Variants in SCUBE1 observed in about 807,000 individuals in gnomAD.
SCUBE1 encodes the protein signal peptide, CUB and EGF-like domain-containing protein 1.
In SCUBE1, 59 loss-of-function variants were observed where a neutral mutation model predicts 124.4. The observed-to-expected ratio is 0.47, with a 90% CI of 0.38 to 0.59. SCUBE1 has a LOEUF of 0.59. Ranked by LOEUF, SCUBE1 falls within the 20% of genes least tolerant of loss-of-function variation. SCUBE1 has a pLI of 0.00. For missense variants in SCUBE1, 1,150 were observed against 1,371.2 expected (o/e 0.84, Z 2.55); for synonymous variants, 545 against 550.9 (o/e 0.99, Z 0.15).
At chr22:43,280,312 C>G (rs572643400) in intron 4 of SCUBE1, among the ~76,000 whole-genome samples, 2 of 152,080 alleles carry the variant, frequency 1.3e-5, no homozygotes, top group East Asian at 3.9e-4. Context: ...TAACAGGCCT[C>G]GCTGAAGTGT....
Position 43,211,677 on chromosome 22 carries a change from C to T in SCUBE1, c.2222-594G>A, listed in dbSNP as rs577468846. Among the ~76,000 whole-genome samples, 4 of 152,074 alleles carry T rather than the reference C, an allele frequency of 2.6e-5. No individual in the cohort carries two copies. The highest frequency in any genetic ancestry group is 4.2e-4 in the South Asian group (2 of 4,802). On this transcript the variant is annotated intron_variant, in intron 17 of 21. Coordinates refer to ENST00000360835, the MANE Select transcript of SCUBE1 (RefSeq NM_173050.5). This position sits in a 1 kb window ranked among gnomAD's most constrained non-coding sequence, Gnocchi z 4.5. ...GATTACAGGTGCACATCACCACACC[C>T]GGCTAATTATTTTTGTATTTTTTTT...
chr22:43,257,441 G>GA (rs1195807680), intron 6 of SCUBE1, among the ~76,000 whole-genome samples: 2 of 152,174 alleles, frequency 1.3e-5, no homozygotes, highest in East Asian at 1.9e-4. Flanking sequence ...TTAAGTGGGA[G>GA]AAAAAAACCT....
chr22:43,280,490 TCCCCGTC>T (rs1924744542), intron 4 of SCUBE1, among the ~76,000 whole-genome samples: 7 of 34,094 alleles, frequency 2.1e-4, no homozygotes, highest in Middle Eastern at 0.016. Context: ...CCCTCACCCA[TCCCCGTC>T]CCTTCCCCTC....
chr22:43,206,880 G>A (rs1374318931), intron 21 of SCUBE1, among the ~76,000 whole-genome samples: 4 of 152,180 alleles, frequency 2.6e-5, no homozygotes, highest in Admixed American at 1.3e-4. Flanking sequence ...AGCCGAGGGC[G>A]GCAGCACGTG....
chr22:43,247,075 G>A (rs953422226), intron 6 of SCUBE1, among the ~76,000 whole-genome samples: 4 of 152,216 alleles, frequency 2.6e-5, no homozygotes, highest in East Asian at 1.9e-4. Flanking sequence ...GGCTGGCTCC[G>A]GGCTTCTTGT....
At chr22:43,278,743 C>G (rs1339167800) in intron 4 of SCUBE1, among the ~76,000 whole-genome samples, 1 of 152,206 alleles carries the variant, frequency 6.6e-6, no homozygotes, top group Non-Finnish European at 1.5e-5. Context: ...AGTCCTGCCC[C>G]CCCAGTGCAG....
intron 7 of SCUBE1, chr22:43,232,089 C>A (rs1206620134): frequency 3.5e-6 from 2 of 573,492 alleles, no homozygotes; most frequent in Non-Finnish European, 6.3e-6. Flanking sequence ...TGGGAAGGGC[C>A]AGCTCCCCAA....
intron 3 of SCUBE1, among the ~76,000 whole-genome samples, chr22:43,298,616 T>A (rs1925650860): frequency 6.6e-6 from 1 of 152,158 alleles, no homozygotes; most frequent in Admixed American, 6.5e-5. Context: ...CCCCCTGCTG[T>A]GCATCTCTAG....
At chr22:43,316,274 T>C (rs7284773) in intron 3 of SCUBE1, among the ~76,000 whole-genome samples, 5,913 of 152,234 alleles carry the variant, frequency 0.039, 358 homozygotes, top group African/African-American at 0.13. Context: ...ACACAGCTGA[T>C]AGAGAAGGGC....
chr22:43,292,813 G>A (rs865793826), intron 3 of SCUBE1, among the ~76,000 whole-genome samples: 1 of 152,192 alleles, frequency 6.6e-6, no homozygotes. Flanking sequence ...GGCCGACAGC[G>A]AGGCCATTAT....
intron 3 of SCUBE1, among the ~76,000 whole-genome samples, chr22:43,309,994 C>T (rs752917727): frequency 2.6e-5 from 4 of 152,264 alleles, no homozygotes; most frequent in African/African-American, 7.2e-5. Flanking sequence ...CAGCCAGAAG[C>T]GCTTTTTAAA....
chr22:43,208,636 G>A (rs1448122840), intron 19 of SCUBE1, among the ~76,000 whole-genome samples: 1 of 152,186 alleles, frequency 6.6e-6, no homozygotes, highest in Non-Finnish European at 1.5e-5. Flanking sequence ...GGGAGGACGT[G>A]GGAGATGAAC....
At chr22:43,268,459 C>T (rs1054052403) in intron 4 of SCUBE1, among the ~76,000 whole-genome samples, 14 of 152,220 alleles carry the variant, frequency 9.2e-5, no homozygotes, top group Admixed American at 7.8e-4. Context: ...CCCGCCAGGT[C>T]GAATCTAATC....
At chr22:43,220,620 G>C (rs368726066) in intron 13 of SCUBE1, 33 bp from the exon 14 acceptor site, 1 of 1,607,284 alleles carries the variant, frequency 6.2e-7, no homozygotes, top group Non-Finnish European at 8.5e-7. Flanking sequence ...TGGCAAAGGC[G>C]GCATGGGGCA....
rs1446760647 is a variant in SCUBE1 at position 43,207,545 on chromosome 22, C to T, written c.2803G>A (p.Glu935Lys). 2 of 1,613,646 alleles carry T rather than the reference C, an allele frequency of 1.2e-6. No homozygotes were observed. Among genetic ancestry groups the T allele is most frequent in the Non-Finnish European group, 1.7e-6 (2 of 1,179,562 alleles). The change falls in exon 21 of 22, where the codon GAA (glutamate) becomes AAA (lysine). Residue 935 changes from glutamate (E) to lysine (K), a missense_variant. Glu to Lys is a moderately conservative substitution (Grantham distance 56, BLOSUM62 1). Coordinates refer to ENST00000360835, the MANE Select transcript of SCUBE1 (RefSeq NM_173050.5). Reference protein sequence around the residue: ...GRLYASENHQEILKDKKLIKA... With the variant: ...GRLYASENHQKILKDKKLIKA... ...ATAAACTCACTCACTTTCAAAATTT[C>T]CTGGTGGTTCTCCGAGGCGTACAGG...
chr22:43,271,357 T>C (rs886359604), intron 4 of SCUBE1, among the ~76,000 whole-genome samples: 4 of 152,144 alleles, frequency 2.6e-5, no homozygotes, highest in African/African-American at 7.2e-5. Context: ...ACTCAGTGAA[T>C]GCACAGAAAC....
At chr22:43,284,660 C>A (rs1321875022) in intron 4 of SCUBE1, among the ~76,000 whole-genome samples, 1 of 152,224 alleles carries the variant, frequency 6.6e-6, no homozygotes, top group African/African-American at 2.4e-5. Flanking sequence ...AAATGGGGCA[C>A]TGTAAGGACG....
chr22:43,266,729 G>A (rs1054767327), intron 4 of SCUBE1, among the ~76,000 whole-genome samples: 4 of 152,156 alleles, frequency 2.6e-5, no homozygotes, highest in Non-Finnish European at 4.4e-5. Context: ...GGGGGGAACC[G>A]ATTTGGGAAC....
intron 2 of SCUBE1, among the ~76,000 whole-genome samples, chr22:43,333,619 A>G (rs1926970937): frequency 6.6e-6 from 1 of 152,212 alleles, no homozygotes; most frequent in Admixed American, 6.5e-5. Flanking sequence ...TGAAAATGAT[A>G]GAGAAAGTAC....
Sources: gnomAD v4.1 joint callset for allele counts (sites outside exome capture counted in the v4.1 genomes callset) on GRCh38, gnomAD v4.1.1 for gene constraint, Gnocchi (gnomAD v3.1) non-coding constraint, MANE v1.5 for transcripts, NCBI Gene and HGNC (gene_info 2026-07-23, HGNC 2026-07-21) for gene names.